GRIK1: variants seen among roughly 807,000 people sequenced by gnomAD.
GRIK1 encodes the protein glutamate receptor ionotropic, kainate 1.
In GRIK1, 69 loss-of-function variants were observed where a neutral mutation model predicts 105.7. The observed-to-expected ratio is 0.65, with a 90% CI of 0.54 to 0.80. The LOEUF is 0.80. Ranked by LOEUF, GRIK1 falls within the 30% of genes least tolerant of loss-of-function variation. The probability of loss-of-function intolerance (pLI) is 0.00; values close to 1 mark genes in which losing one functional copy is unlikely to be tolerated. For synonymous variants in GRIK1, 438 were observed against 431.3 expected (o/e 1.02, Z -0.19); for missense variants, 1,109 against 1,167.3 (o/e 0.95, Z 0.73).
chr21:29,855,090 C>G (rs1364602215), intron 1 of GRIK1, among the ~76,000 whole-genome samples: 1 of 152,182 alleles, frequency 6.6e-6, no homozygotes, highest in Non-Finnish European at 1.5e-5. Context: ...AACTTGGGCT[C>G]TAGATCTGAC....
At chr21:29,661,887 T>A (rs1177628386) in intron 4 of GRIK1, among the ~76,000 whole-genome samples, 1 of 152,234 alleles carries the variant, frequency 6.6e-6, no homozygotes, top group East Asian at 1.9e-4. Flanking sequence ...TTACACGTGT[T>A]AACCACATGC....
In GRIK1 at chr21:29,787,072, C is replaced by A. The variant is rs1000236914; in HGVS notation, c.119-93009G>T. ...TCAAATTTAAATTTAGTTTCAAATA[C>A]ATATTTACGATGTCATTGTCTGTGC... is the stretch of plus-strand genomic sequence containing the variant. On this transcript the variant is annotated intron_variant, in intron 1 of 17. Transcript: ENST00000327783. Among the ~76,000 whole-genome samples, 15 of 152,224 alleles carry A rather than the reference C, an allele frequency of 9.9e-5. No homozygotes were observed. The South Asian group carries it at 2.3e-3, about 23-fold the overall frequency.
At chr21:29,602,327 G>A (rs1275014138) in intron 7 of GRIK1, among the ~76,000 whole-genome samples, 1 of 152,108 alleles carries the variant, frequency 6.6e-6, no homozygotes, top group Non-Finnish European at 1.5e-5. Context: ...ATCTGGCTGG[G>A]GAGAAAAGAC....
intron 1 of GRIK1, among the ~76,000 whole-genome samples, chr21:29,827,513 T>C (rs2067494891): frequency 6.6e-6 from 1 of 152,156 alleles, no homozygotes; most frequent in Admixed American, 6.6e-5. Context: ...GTTCAGCCAT[T>C]GCAGCAAGTA....
chr21:29,889,757 A>G (rs2069823162), intron 1 of GRIK1, among the ~76,000 whole-genome samples: 1 of 152,116 alleles, frequency 6.6e-6, no homozygotes, highest in African/African-American at 2.4e-5. Flanking sequence ...TGTTTCAGCA[A>G]AGAGCAAATA....
chr21:29,537,487 G>T (rs1601054503), intron 17 of GRIK1, 102 bp from the exon 18 acceptor site: 1 of 932,276 alleles, frequency 1.1e-6, no homozygotes, highest in Non-Finnish European at 1.6e-6. Flanking sequence ...ATATTGGCTT[G>T]AAGGCAGCTC....
At chr21:29,595,138 G>T (rs1287801354) in intron 9 of GRIK1, among the ~76,000 whole-genome samples, 1 of 152,056 alleles carries the variant, frequency 6.6e-6, no homozygotes. Context: ...GCTACCAGGA[G>T]GGAAGAGGCA....
At chr21:29,608,656 C>G (rs1297983136) in intron 7 of GRIK1, among the ~76,000 whole-genome samples, 1 of 152,112 alleles carries the variant, frequency 6.6e-6, no homozygotes, top group Non-Finnish European at 1.5e-5. Flanking sequence ...TTCCCATCAT[C>G]AACACGTGGT....
At chr21:29,872,815 A>C (rs1408517822) in intron 1 of GRIK1, among the ~76,000 whole-genome samples, 2 of 152,142 alleles carry the variant, frequency 1.3e-5, no homozygotes, top group Non-Finnish European at 2.9e-5. Context: ...ACCCACCCCC[A>C]TCACTCAATT....
chr21:29,895,533 G>A (rs1298728006), intron 1 of GRIK1, among the ~76,000 whole-genome samples: 2 of 152,170 alleles, frequency 1.3e-5, no homozygotes, highest in Non-Finnish European at 2.9e-5. Flanking sequence ...CCATGTGTCT[G>A]GAATGCCCTT....
At chr21:29,821,913 T>C (rs1001335318) in intron 1 of GRIK1, among the ~76,000 whole-genome samples, 1 of 152,042 alleles carries the variant, frequency 6.6e-6, no homozygotes, top group African/African-American at 2.4e-5. Flanking sequence ...TATGCAATTC[T>C]TCTGTAAGCT....
At chr21:29,881,060 C>T (rs1851312662) in intron 1 of GRIK1, among the ~76,000 whole-genome samples, 1 of 152,142 alleles carries the variant, frequency 6.6e-6, no homozygotes, top group African/African-American at 2.4e-5. Flanking sequence ...GTGGAAAAGC[C>T]TAATCCTGAT....
At chr21:29,766,926 TTA>T (rs2065682263) in intron 1 of GRIK1, among the ~76,000 whole-genome samples, 2 of 152,258 alleles carry the variant, frequency 1.3e-5, no homozygotes, top group Non-Finnish European at 2.9e-5. Flanking sequence ...AAAGGCTCTG[TTA>T]TGGGATTGTT....
At chr21:29,732,066 G>C (rs555842545) in intron 1 of GRIK1, among the ~76,000 whole-genome samples, 1 of 152,106 alleles carries the variant, frequency 6.6e-6, no homozygotes, top group Non-Finnish European at 1.5e-5. Context: ...AAATCCTTGC[G>C]TAATTCTTTC....
intron 1 of GRIK1, among the ~76,000 whole-genome samples, chr21:29,893,373 T>C (rs146812238): frequency 4.1e-4 from 62 of 152,328 alleles, no homozygotes; most frequent in African/African-American, 1.4e-3. Flanking sequence ...CTTTTTCAAA[T>C]CACTATAGTG....
chr21:29,606,679 A>C (rs1366108689), intron 7 of GRIK1, among the ~76,000 whole-genome samples: 1 of 150,906 alleles, frequency 6.6e-6, no homozygotes, highest in Admixed American at 6.6e-5. Context: ...ACAAAACAAA[A>C]CAAAACAAAA....
At chr21:29,591,870 G>A (rs908776982) in intron 9 of GRIK1, among the ~76,000 whole-genome samples, 3 of 151,974 alleles carry the variant, frequency 2.0e-5, no homozygotes, top group African/African-American at 7.3e-5. Context: ...GCAACAGAGT[G>A]AGACCCGATC....
At chr21:29,767,810 GTA>G (rs926592392) in intron 1 of GRIK1, among the ~76,000 whole-genome samples, 30 of 151,136 alleles carry the variant, frequency 2.0e-4, no homozygotes, top group African/African-American at 6.9e-4. Flanking sequence ...AAATTTGTAT[GTA>G]TGTGTGTGTG....
intron 7 of GRIK1, among the ~76,000 whole-genome samples, chr21:29,605,778 A>T (rs2061602264): frequency 6.6e-6 from 1 of 152,168 alleles, no homozygotes. Context: ...CCCTTCCTAG[A>T]ATTTTCCTTG....
Sources: gnomAD v4.1 joint callset for allele counts (sites outside exome capture counted in the v4.1 genomes callset) on GRCh38, gnomAD v4.1.1 for gene constraint, MANE v1.5 for transcripts, NCBI Gene and HGNC (gene_info 2026-07-23, HGNC 2026-07-21) for gene names.